PTPN4: variants seen among roughly 807,000 people sequenced by gnomAD.
PTPN4 encodes tyrosine-protein phosphatase non-receptor type 4.
Under a neutral mutation model 135.5 loss-of-function variants are expected in PTPN4, and 49 were observed. The ratio of observed to expected loss-of-function variants is 0.36; its 90% CI spans 0.29 to 0.46. The LOEUF (loss-of-function observed/expected upper bound fraction) is 0.46, where lower values mean the gene tolerates loss of function less well. Among genes scored for constraint, PTPN4 ranks in the 20% least tolerant of loss-of-function variants. The probability of loss-of-function intolerance (pLI) is 1.00; values close to 1 mark genes in which losing one functional copy is unlikely to be tolerated. For missense variants in PTPN4, 860 were observed against 1,101.0 expected (o/e 0.78, Z 3.10); for synonymous variants, 333 against 369.9 (o/e 0.90, Z 1.14).
rs181526881 is a variant in PTPN4, at chr2:119,927,383, A to G, written c.1070+717A>G. Among the ~76,000 whole-genome samples the G allele has an allele frequency of 9.8e-4, 149 of 152,240 alleles. 3 individuals are homozygous for G. In the East Asian group the frequency reaches 0.027, roughly 28 times the overall value. On this transcript the variant is annotated intron_variant, in intron 13 of 26. Coordinates refer to ENST00000263708, the MANE Select transcript of PTPN4 (RefSeq NM_002830.4). Reference sequence around the variant, plus strand: ...CACCTTGGCCTCCCAAAGTGCTGGCATTACAGGCATGAGCCACCACTCCCG... The same window carrying G: ...CACCTTGGCCTCCCAAAGTGCTGGCGTTACAGGCATGAGCCACCACTCCCG...
chr2:119,824,138 C>A (rs779610450), intron 2 of PTPN4, among the ~76,000 whole-genome samples: 13 of 152,026 alleles, frequency 8.6e-5, no homozygotes, highest in Non-Finnish European at 1.8e-4. Context: ...ATTTCTATTT[C>A]AATTCTGTTA....
intron 25 of PTPN4, among the ~76,000 whole-genome samples, chr2:119,966,430 T>C (rs1433023005): frequency 3.9e-5 from 6 of 152,176 alleles, no homozygotes; most frequent in Non-Finnish European, 8.8e-5. Context: ...CTAATTTTTG[T>C]ATTTTTTTGT....
intron 2 of PTPN4, among the ~76,000 whole-genome samples, chr2:119,847,547 G>A (rs1014083340): frequency 1.3e-5 from 2 of 151,880 alleles, no homozygotes; most frequent in Non-Finnish European, 2.9e-5. Context: ...GGCTGGTCTC[G>A]AACTCCTGAC....
chr2:119,931,476 C>G (rs1392354950), intron 13 of PTPN4, among the ~76,000 whole-genome samples: 2 of 76,026 alleles, frequency 2.6e-5, no homozygotes, highest in African/African-American at 1.1e-4. Flanking sequence ...GGGTTTTACT[C>G]TTGTCACCCA....
Position 119,962,676 on chromosome 2 carries a change from G to A in PTPN4, c.2341G>A (p.Val781Ile). The A allele has an allele frequency of 6.3e-7, 1 of 1,587,448 alleles. No homozygotes were observed. Among genetic ancestry groups the A allele is most frequent in the Non-Finnish European group, 8.6e-7 (1 of 1,160,702 alleles). The change falls in exon 24 of 27, where the codon GTT becomes ATT. Residue 781 changes from valine (V) to isoleucine (I), a missense_variant. Coordinates refer to ENST00000263708, the MANE Select transcript of PTPN4 (RefSeq NM_002830.4). ...CAGTTCATCTTATGGATGCTACCAA[G>A]TTACCTGCCACTCTGAAGAAGGAAA... Reference protein sequence around the residue: ...TGSSSYGCYQVTCHSEEGNTA... With the variant: ...TGSSSYGCYQITCHSEEGNTA...
At chr2:119,941,995 G>C (rs1325580943) in intron 15 of PTPN4, among the ~76,000 whole-genome samples, 2 of 152,230 alleles carry the variant, frequency 1.3e-5, no homozygotes, top group East Asian at 3.9e-4. Flanking sequence ...GGAGCTTCCA[G>C]ATTTTTCATC....
At chr2:119,835,765 TCTTTAGAAATGTGGAAGGA>T (rs1281930225) in intron 2 of PTPN4, among the ~76,000 whole-genome samples, 1 of 152,046 alleles carries the variant, frequency 6.6e-6, no homozygotes, top group African/African-American at 2.4e-5. Flanking sequence ...CAGGAGAGCA[TCTTTAGAAATGTGGAAGGA>T]ACCGGCCGGG....
intron 15 of PTPN4, among the ~76,000 whole-genome samples, chr2:119,942,452 G>A (rs530279604): frequency 1.3e-5 from 2 of 152,234 alleles, no homozygotes; most frequent in East Asian, 3.9e-4. Context: ...GAATAAGGAA[G>A]GTTTCCCTGA....
At chr2:119,948,685 G>A (rs745717453) in intron 18 of PTPN4, among the ~76,000 whole-genome samples, 3 of 152,142 alleles carry the variant, frequency 2.0e-5, no homozygotes, top group African/African-American at 2.4e-5. Flanking sequence ...AATGCTCATC[G>A]TTAAAGTTGG....
chr2:119,798,740 G>C (rs565353475), intron 1 of PTPN4, among the ~76,000 whole-genome samples: 1 of 152,198 alleles, frequency 6.6e-6, no homozygotes, highest in East Asian at 1.9e-4. Context: ...TTAAGCTTTA[G>C]GTCTATATTT....
intron 26 of PTPN4, among the ~76,000 whole-genome samples, chr2:119,975,771 A>G (rs1370967351): frequency 6.6e-6 from 1 of 152,122 alleles, no homozygotes; most frequent in Non-Finnish European, 1.5e-5. Context: ...GGTTGTCATC[A>G]ACTAGATACA....
At chr2:119,825,452 A>G (rs1022311640) in intron 2 of PTPN4, among the ~76,000 whole-genome samples, 1 of 151,316 alleles carries the variant, frequency 6.6e-6, no homozygotes, top group Non-Finnish European at 1.5e-5. Context: ...CGGCTTGCCC[A>G]CAGCCACGTG....
At chr2:119,804,808 T>C (rs543271795) in intron 1 of PTPN4, among the ~76,000 whole-genome samples, 8 of 152,272 alleles carry the variant, frequency 5.3e-5, no homozygotes, top group African/African-American at 1.9e-4. Context: ...AATGGGATCT[T>C]TGGGTCAAAT....
intron 25 of PTPN4, among the ~76,000 whole-genome samples, 167 bp from the exon 26 acceptor site, chr2:119,967,669 AT>A (rs1213104501): frequency 1.3e-5 from 2 of 151,922 alleles, no homozygotes; most frequent in African/African-American, 2.4e-5. Flanking sequence ...GAGTCAGTGC[AT>A]TTTTTTTCTG....
In PTPN4 at chr2:119,920,121, G is replaced by C; in HGVS notation, c.881G>C (p.Cys294Ser). The C allele has an allele frequency of 1.2e-6, 2 of 1,613,228 alleles. No homozygotes were observed. Among genetic ancestry groups the C allele is most frequent in the South Asian group, 2.2e-5 (2 of 90,770 alleles). Residue 294 changes from cysteine (C) to serine (S), a missense_variant, in exon 12 of 27, where the codon TGT becomes TCT. Physicochemically the swap from Cys to Ser is moderately radical, Grantham distance 112. This residue lies in a region of PTPN4 where 684 missense variants were observed against 807.0 expected (regional missense o/e 0.85). Coordinates refer to ENST00000263708, the MANE Select transcript of PTPN4 (RefSeq NM_002830.4). ...LGFNMVNYRA[C>S]KNLWKACVEH... is the part of the protein sequence containing the mutation. ...TTTAATATGGTGAATTACAGAGCAT[G>C]TAAAAATTTGTGGAAAGCATGTGTA...
At chr2:119,976,699 A>T (rs113269555) in intron 26 of PTPN4, among the ~76,000 whole-genome samples, 3,538 of 152,204 alleles carry the variant, frequency 0.023, 131 homozygotes, top group African/African-American at 0.077. Context: ...TGAAGAGGTA[A>T]ATTAGGTTAA....
chr2:119,919,101 C>T (rs1678701353), intron 11 of PTPN4, among the ~76,000 whole-genome samples: 3 of 152,110 alleles, frequency 2.0e-5, no homozygotes. Context: ...AAGGATACTT[C>T]TGTGGTGGTA....
intron 23 of PTPN4, among the ~76,000 whole-genome samples, chr2:119,962,049 T>C (rs1331789552): frequency 6.6e-6 from 1 of 152,224 alleles, no homozygotes; most frequent in East Asian, 1.9e-4. Flanking sequence ...GTATGGTACA[T>C]GAATTACTTG....
At chr2:119,847,340 T>TTTTTTTTTTTGAGACAGAG (rs1677519713) in intron 2 of PTPN4, among the ~76,000 whole-genome samples, 1 of 146,552 alleles carries the variant, frequency 6.8e-6, no homozygotes, top group South Asian at 2.1e-4. Context: ...TTTTTTTTTT[T>TTTTTTTTTTTGAGACAGAG]TTTTGAGACA....
Sources: allele counts gnomAD v4.1 joint callset (sites outside exome capture counted in the v4.1 genomes callset), GRCh38; gene constraint gnomAD v4.1.1; regional missense constraint gnomAD v4.1.1; transcripts MANE v1.5; gene names NCBI Gene and HGNC (gene_info 2026-07-23, HGNC 2026-07-21).